The following FOXP2 variants were observed in gnomAD, a reference collection of about 807,000 sequenced individuals.
FOXP2 encodes forkhead box protein P2.
Under a neutral mutation model 115.8 loss-of-function variants are expected in FOXP2, and 12 were observed. The ratio of observed to expected loss-of-function variants is 0.10; its 90% confidence interval spans 0.07 to 0.17. The LOEUF (loss-of-function observed/expected upper bound fraction) is 0.17. Ranked by LOEUF, FOXP2 falls within the 10% of genes least tolerant of loss-of-function variation. FOXP2 has a pLI of 1.00. For missense variants in FOXP2, 629 were observed against 843.5 expected (o/e 0.75, Z 3.15); for synonymous variants, 328 against 297.7 (o/e 1.10, Z -1.05).
intron 1 of FOXP2, among the ~76,000 whole-genome samples, chr7:114,274,296 A>G (rs1273580880): frequency 1.3e-5 from 2 of 152,122 alleles, no homozygotes; most frequent in Non-Finnish European, 1.5e-5. Context: ...TATACATGAG[A>G]TATGTACATT....
chr7:114,564,616 A>T (rs1051787904), intron 3 of FOXP2, among the ~76,000 whole-genome samples: 49 of 152,110 alleles, frequency 3.2e-4, no homozygotes, highest in African/African-American at 1.1e-3. Flanking sequence ...GTAGTGGCTC[A>T]TACCTATAAT....
At chr7:114,219,125 A>G (rs1361135881) in intron 1 of FOXP2, among the ~76,000 whole-genome samples, 1 of 152,208 alleles carries the variant, frequency 6.6e-6, no homozygotes, top group Admixed American at 6.5e-5. Context: ...TTTTCGAAAA[A>G]GATTAATTAT....
chr7:114,677,741 T>C (rs1199921701), intron 16 of FOXP2, among the ~76,000 whole-genome samples: 1 of 152,198 alleles, frequency 6.6e-6, no homozygotes. Flanking sequence ...TCTGTTTGTG[T>C]TTTTGGAATA....
At chr7:114,663,205 A>G (rs531901184) in intron 14 of FOXP2, among the ~76,000 whole-genome samples, 16 of 152,136 alleles carry the variant, frequency 1.1e-4, no homozygotes, top group Non-Finnish European at 2.1e-4. Context: ...CCTCAAGGTC[A>G]TGTCTCACTT....
intron 16 of FOXP2, among the ~76,000 whole-genome samples, chr7:114,671,710 A>G (rs998966029): frequency 3.9e-5 from 6 of 152,176 alleles, no homozygotes; most frequent in South Asian, 2.1e-4. Context: ...ATGTACTGCT[A>G]TGGTATTTTA....
intron 1 of FOXP2, among the ~76,000 whole-genome samples, chr7:114,245,973 G>A (rs1795274132): frequency 6.6e-6 from 1 of 152,060 alleles, no homozygotes; most frequent in Admixed American, 6.6e-5. Context: ...GGATATAAAG[G>A]TGATTGTTCT....
rs1338656184 is a variant in FOXP2 at position 114,692,215 on chromosome 7, T to G, written c.*2289T>G. Reference sequence around the variant, plus strand: ...AGGGACTGGAAGTAACTGCGAGAGTTGTACCATCAGAAGGGTGGCCTAAGA... The same window carrying G: ...AGGGACTGGAAGTAACTGCGAGAGTGGTACCATCAGAAGGGTGGCCTAAGA... On this transcript the variant is annotated 3_prime_UTR_variant, in exon 17 of 17. Coordinates refer to ENST00000350908, the MANE Select transcript of FOXP2 (RefSeq NM_014491.4). The G allele has an allele frequency of 2.2e-6, 1 of 453,848 alleles. No individual in the cohort carries two copies. The highest frequency in any genetic ancestry group is 2.4e-5 in the Admixed American group (1 of 42,522). The allele number at this position is 453,848 out of a possible 1,614,324, so 28.1% of individuals were successfully genotyped here.
At chr7:114,631,483 G>C in intron 5 of FOXP2, 45 bp from the exon 6 acceptor site, 1 of 1,551,104 alleles carries the variant, frequency 6.4e-7, no homozygotes, top group South Asian at 1.2e-5. Context: ...TGTTTGTACA[G>C]ACCATGTTCT....
chr7:114,235,420 A>T (rs916690948), intron 1 of FOXP2, among the ~76,000 whole-genome samples: 1 of 152,066 alleles, frequency 6.6e-6, no homozygotes, highest in Non-Finnish European at 1.5e-5. Flanking sequence ...AAGGAAAAAC[A>T]CTTGTGAAAT....
At chr7:114,632,616 T>C (rs1224020953) in intron 6 of FOXP2, among the ~76,000 whole-genome samples, 1 of 152,170 alleles carries the variant, frequency 6.6e-6, no homozygotes, top group Admixed American at 6.5e-5. Context: ...TTGCTGATTC[T>C]AAAGGACATA....
rs35721597 is a variant in FOXP2, at chr7:114,123,351, CA to C, written c.-247+35529del. Among the ~76,000 whole-genome samples the C allele has an allele frequency of 7.2e-3, 567 of 78,366 alleles. 3 individuals carry two copies. The East Asian group carries it at 0.085, about 12-fold the overall frequency. The allele number at this position is 78,366 out of a possible 152,430, so 51.4% of individuals were successfully genotyped here. On this transcript the variant is annotated intron_variant, in intron 1 of 19. Coordinates refer to the FOXP2 transcript ENST00000635638. ...TCTGGGTGACAGAGCAAAGCCCTGT[CA>C]AAAAAAAAAAAAAAAGAAAGAAAGA...
At chr7:114,393,733 G>T (rs1003331078) in intron 2 of FOXP2, among the ~76,000 whole-genome samples, 2 of 152,128 alleles carry the variant, frequency 1.3e-5, no homozygotes, top group Admixed American at 6.6e-5. Context: ...CCACATAAGA[G>T]AATAATGGAG....
intron 3 of FOXP2, among the ~76,000 whole-genome samples, chr7:114,627,956 C>T (rs1804686520): frequency 6.6e-6 from 1 of 151,596 alleles, no homozygotes; most frequent in Admixed American, 6.6e-5. Context: ...ATATATATCT[C>T]CTATATGAAT....
At chr7:114,204,876 G>A (rs1354597470) in intron 1 of FOXP2, among the ~76,000 whole-genome samples, 1 of 150,244 alleles carries the variant, frequency 6.7e-6, no homozygotes, top group Non-Finnish European at 1.5e-5. Context: ...AGTATTATAT[G>A]TCTTGAATAA....
intron 10 of FOXP2, chr7:114,656,597 A>G (rs780989968): frequency 2.0e-5 from 8 of 391,900 alleles, no homozygotes; most frequent in South Asian, 1.5e-4. Context: ...TCATTTATGT[A>G]CGTAACAAAG....
intron 1 of FOXP2, among the ~76,000 whole-genome samples, chr7:114,205,921 A>G (rs1794190629): frequency 6.6e-6 from 1 of 152,182 alleles, no homozygotes; most frequent in African/African-American, 2.4e-5. Flanking sequence ...CACAGCATCC[A>G]CTACACTTAG....
intron 1 of FOXP2, among the ~76,000 whole-genome samples, chr7:114,156,680 G>A (rs1021831997): frequency 1.2e-4 from 19 of 152,026 alleles, no homozygotes; most frequent in African/African-American, 4.6e-4. Flanking sequence ...TGTGTCACAG[G>A]TCATGGTACT....
intron 2 of FOXP2, among the ~76,000 whole-genome samples, chr7:114,440,046 T>G (rs896498377): frequency 7.2e-5 from 11 of 152,186 alleles, no homozygotes; most frequent in Admixed American, 7.2e-4. Flanking sequence ...TTCATATGAC[T>G]TTTAACAGTT....
At chr7:114,088,542 C>T (rs1237168383) in intron 1 of FOXP2, among the ~76,000 whole-genome samples, 2 of 152,242 alleles carry the variant, frequency 1.3e-5, no homozygotes, top group African/African-American at 4.8e-5. Context: ...GCCTGTAAGG[C>T]ATATCTTTGC....
Sources: gnomAD v4.1 joint callset for allele counts (sites outside exome capture counted in the v4.1 genomes callset) on GRCh38, gnomAD v4.1.1 for gene constraint, MANE v1.5 for transcripts, NCBI Gene and HGNC (gene_info 2026-07-23, HGNC 2026-07-21) for gene names.